The following OPCML variants were observed in gnomAD, a reference collection of about 807,000 sequenced individuals.
The protein encoded by OPCML is opioid binding protein/cell adhesion molecule like.
In OPCML, 13 loss-of-function variants were observed where a neutral mutation model predicts 37.8. That is an observed-to-expected ratio of 0.34 (90% confidence interval 0.22 to 0.55). The LOEUF (loss-of-function observed/expected upper bound fraction) is 0.55. Ranked by LOEUF, OPCML falls within the 20% of genes least tolerant of loss-of-function variation. The probability of loss-of-function intolerance (pLI) is 0.91; values close to 1 mark genes in which losing one functional copy is unlikely to be tolerated. For synonymous variants in OPCML, 176 were observed against 168.8 expected (o/e 1.04, Z -0.33); for missense variants, 341 against 435.6 (o/e 0.78, Z 1.93).
chr11:132,568,691 A>T (rs2096430243), intron 3 of OPCML, among the ~76,000 whole-genome samples: 1 of 152,216 alleles, frequency 6.6e-6, no homozygotes, highest in Non-Finnish European at 1.5e-5. Flanking sequence ...GGTCCTGCCA[A>T]CACCTGGATT....
intron 1 of OPCML, among the ~76,000 whole-genome samples, chr11:133,228,820 T>C (rs1940152411): frequency 6.6e-6 from 1 of 152,246 alleles, no homozygotes; most frequent in Non-Finnish European, 1.5e-5. Flanking sequence ...TCCCTTCTCC[T>C]CTGCCCAAGC....
At chr11:132,573,828 G>C (rs1565676600) in intron 3 of OPCML, among the ~76,000 whole-genome samples, 1 of 151,800 alleles carries the variant, frequency 6.6e-6, no homozygotes, top group Non-Finnish European at 1.5e-5. Flanking sequence ...TCCATGTTTG[G>C]TAGAATTTAC....
At chr11:132,516,217 T>A (rs2096279329) in intron 4 of OPCML, among the ~76,000 whole-genome samples, 1 of 152,182 alleles carries the variant, frequency 6.6e-6, no homozygotes, top group East Asian at 1.9e-4. Context: ...CCAGGGCTAA[T>A]AGTTATAGTG....
At chr11:132,480,413 G>A (rs1241199463) in intron 4 of OPCML, among the ~76,000 whole-genome samples, 2 of 152,180 alleles carry the variant, frequency 1.3e-5, no homozygotes, top group East Asian at 3.9e-4. Context: ...TGAAAGTGAT[G>A]GGGAGAATGG....
At chr11:133,168,060 G>A (rs953032280) in intron 1 of OPCML, among the ~76,000 whole-genome samples, 2 of 152,144 alleles carry the variant, frequency 1.3e-5, no homozygotes, top group Non-Finnish European at 2.9e-5. Context: ...ATTCCCATGG[G>A]AAAAAGTGAG....
chr11:132,971,322 T>A (rs1946339054), intron 1 of OPCML, among the ~76,000 whole-genome samples: 1 of 152,238 alleles, frequency 6.6e-6, no homozygotes, highest in Non-Finnish European at 1.5e-5. Context: ...GCCACTTTTC[T>A]TCTATTGATT....
At chr11:132,457,642 G>A (rs2096087049) in intron 4 of OPCML, among the ~76,000 whole-genome samples, 1 of 152,176 alleles carries the variant, frequency 6.6e-6, no homozygotes, top group Non-Finnish European at 1.5e-5. Context: ...AAAGTGCTGA[G>A]TGATCACTAT....
chr11:132,508,791 C>A (rs764560508), intron 4 of OPCML, among the ~76,000 whole-genome samples: 1 of 152,114 alleles, frequency 6.6e-6, no homozygotes, highest in African/African-American at 2.4e-5. Flanking sequence ...AACTTAAGTC[C>A]AATTAAACCT....
chr11:132,919,757 C>T (rs191486534), intron 2 of OPCML, among the ~76,000 whole-genome samples: 2 of 152,282 alleles, frequency 1.3e-5, no homozygotes, highest in East Asian at 1.9e-4. Context: ...AAGATAGAGG[C>T]CATGCTGTTC....
chr11:132,523,995 C>G (rs2096301264), intron 4 of OPCML, among the ~76,000 whole-genome samples: 1 of 152,146 alleles, frequency 6.6e-6, no homozygotes, highest in Non-Finnish European at 1.5e-5. Context: ...AGGAAGGAAG[C>G]CTTTGTTATT....
At chr11:132,908,837 C>T (rs925475165) in intron 2 of OPCML, among the ~76,000 whole-genome samples, 1 of 152,208 alleles carries the variant, frequency 6.6e-6, no homozygotes, top group African/African-American at 2.4e-5. Context: ...CTAAACATCA[C>T]ATTTGGTGGT....
At chr11:132,921,621 A>G (rs754569853) in intron 2 of OPCML, among the ~76,000 whole-genome samples, 3 of 152,234 alleles carry the variant, frequency 2.0e-5, no homozygotes, top group Non-Finnish European at 4.4e-5. Context: ...GAGCCTGGAC[A>G]TAAATGGGAT....
chr11:132,608,680 G>A (rs1938453162), intron 3 of OPCML, among the ~76,000 whole-genome samples: 2 of 152,158 alleles, frequency 1.3e-5, no homozygotes, highest in African/African-American at 2.4e-5. Context: ...ATATAGGACT[G>A]GAGCCTCTGG....
chr11:132,648,668 A>AT (rs1346431448), intron 3 of OPCML, among the ~76,000 whole-genome samples: 1 of 151,850 alleles, frequency 6.6e-6, no homozygotes, highest in Admixed American at 6.6e-5. Flanking sequence ...TGCCCAGCTA[A>AT]TTTTTTCTGG....
intron 2 of OPCML, among the ~76,000 whole-genome samples, chr11:132,907,538 G>C (rs771833538): frequency 3.4e-4 from 51 of 152,006 alleles, no homozygotes; most frequent in Non-Finnish European, 5.9e-4. Context: ...GACTGAGGCA[G>C]GAGAATCGCT....
chr11:133,142,723 G>C (rs752491786), intron 1 of OPCML, among the ~76,000 whole-genome samples: 6 of 152,048 alleles, frequency 3.9e-5, no homozygotes, highest in Non-Finnish European at 7.4e-5. Flanking sequence ...AGGTGTGAAG[G>C]AACGTGCAAA....
intron 1 of OPCML, among the ~76,000 whole-genome samples, chr11:133,334,007 G>T (rs550600118): frequency 1.3e-5 from 2 of 152,318 alleles, no homozygotes; most frequent in South Asian, 2.1e-4. Context: ...TGCTGGTGAG[G>T]TTGTGGAGAA....
chr11:133,501,665 C>T (rs1947917740), intron 1 of OPCML, among the ~76,000 whole-genome samples: 1 of 152,046 alleles, frequency 6.6e-6, no homozygotes. Context: ...CTGCAGGTTA[C>T]TGTGAGGGGA....
chr11:132,611,369 T>C (rs117264007), intron 3 of OPCML, among the ~76,000 whole-genome samples: 1 of 152,164 alleles, frequency 6.6e-6, no homozygotes, highest in Non-Finnish European at 1.5e-5. Flanking sequence ...TCAGTTCCAA[T>C]CCTCACTTCT....
Sources: gnomAD v4.1 joint callset for allele counts (sites outside exome capture counted in the v4.1 genomes callset) on GRCh38, gnomAD v4.1.1 for gene constraint, MANE v1.5 for transcripts, NCBI Gene and HGNC (gene_info 2026-07-23, HGNC 2026-07-21) for gene names.